SUMF1: variants seen among roughly 807,000 people sequenced by gnomAD.
SUMF1 encodes the protein formylglycine-generating enzyme.
SUMF1 carries 48 observed loss-of-function variants against 47.6 expected under a neutral mutation model. That is an observed-to-expected ratio of 1.01 (90% CI 0.80 to 1.28). SUMF1 has a LOEUF of 1.28. Among genes scored for constraint, SUMF1 ranks in the 50% most tolerant of loss-of-function variants. The pLI is 0.00. For missense variants in SUMF1, 571 were observed against 485.4 expected, an observed-to-expected ratio of 1.18 and a Z score of -1.66; for synonymous variants, 230 against 192.1, an observed-to-expected ratio of 1.20 and a Z score of -1.63.
intron 3 of SUMF1, among the ~76,000 whole-genome samples, chr3:4,428,156 A>G (rs1702123828): frequency 6.6e-6 from 1 of 152,228 alleles, no homozygotes; most frequent in South Asian, 2.1e-4. Flanking sequence ...AATTTGAATA[A>G]ATGTCTGCCC....
intron 3 of SUMF1, among the ~76,000 whole-genome samples, chr3:4,438,217 T>A (rs1191164205): frequency 1.2e-5 from 1 of 83,794 alleles, no homozygotes; most frequent in Non-Finnish European, 2.4e-5. Context: ...TTAATTTCAA[T>A]AGCTATAAGA....
intron 8 of SUMF1, among the ~76,000 whole-genome samples, chr3:4,301,874 G>C (rs188711765): frequency 3.9e-5 from 6 of 152,180 alleles, no homozygotes. Flanking sequence ...TTGGAGACTG[G>C]TGACCTAATC....
At chr3:4,379,036 G>A (rs78879778) in intron 7 of SUMF1, among the ~76,000 whole-genome samples, 4,859 of 152,264 alleles carry the variant, frequency 0.032, 115 homozygotes, top group Non-Finnish European at 0.048. Flanking sequence ...ACACAACTGT[G>A]GCACCTAACA....
rs764455999 is a variant in SUMF1, at chr3:4,362,272, G to C, written c.1015-18C>G. ...CAATAAGACTGTGTAGAGAGAAAGA[G>C]CAAGGTAAGTGCTACTGGGACTCTC... is the stretch of plus-strand genomic sequence containing the variant. On this transcript the variant is annotated intron_variant, in intron 8 of 8. Coordinates refer to ENST00000272902, the MANE Select transcript of SUMF1 (RefSeq NM_182760.4). 1.2e-6 allele frequency: 2 copies of C among 1,607,246 alleles called. No individual in the cohort carries two copies. Among genetic ancestry groups the C allele is most frequent in the African/African-American group, 1.3e-5 (1 of 74,800 alleles).
At chr3:4,283,261 T>G (rs1445583954) in intron 8 of SUMF1, among the ~76,000 whole-genome samples, 1 of 152,232 alleles carries the variant, frequency 6.6e-6, no homozygotes, top group Non-Finnish European at 1.5e-5. Flanking sequence ...AAAAGGAATT[T>G]TCAAATGCCC....
At chr3:4,082,997 C>T (rs1692599373) in intron 8 of SUMF1, among the ~76,000 whole-genome samples, 1 of 152,102 alleles carries the variant, frequency 6.6e-6, no homozygotes, top group Non-Finnish European at 1.5e-5. Context: ...CTCCTCCAAG[C>T]ACAGTGCTAA....
At chr3:4,352,171 T>C (rs770902227) in intron 8 of SUMF1, among the ~76,000 whole-genome samples, 1 of 152,102 alleles carries the variant, frequency 6.6e-6, no homozygotes, top group Non-Finnish European at 1.5e-5. Flanking sequence ...AATGATACAG[T>C]AGAGAGAACG....
intron 8 of SUMF1, among the ~76,000 whole-genome samples, chr3:4,252,220 T>C (rs142857126): frequency 1.9e-3 from 296 of 152,286 alleles, no homozygotes; most frequent in Admixed American, 3.5e-3. Flanking sequence ...GAATTAATGG[T>C]TGCCCCATGT....
chr3:4,367,522 C>T (rs528119361), intron 8 of SUMF1, among the ~76,000 whole-genome samples: 94 of 151,632 alleles, frequency 6.2e-4, no homozygotes, highest in African/African-American at 2.2e-3. Flanking sequence ...GAGCCCGCAT[C>T]ACCAAGTCAA....
chr3:4,393,633 TTTTA>T (rs1175855229), intron 7 of SUMF1, among the ~76,000 whole-genome samples: 4 of 151,750 alleles, frequency 2.6e-5, no homozygotes, highest in Middle Eastern at 3.2e-3. Context: ...ATGACTGGCC[TTTTA>T]TTTATTTATT....
rs150573762 is a variant in SUMF1, at chr3:4,058,091, G to A, written c.1191+10478C>T. Among the ~76,000 whole-genome samples, 110 of 152,098 alleles carry A rather than the reference G, an allele frequency of 7.2e-4. 2 individuals carry two copies. The highest frequency in any genetic ancestry group is 2.5e-3 in the African/African-American group (103 of 41,474). On this transcript the variant is annotated intron_variant and NMD_transcript_variant, in intron 9 of 12. Transcript: ENST00000448413. ...ATCCCAGTATCCATGGAAGGAAATT[G>A]TCCCCATTTTTATAGATGAGAAAAC...
At chr3:4,175,552 C>T (rs1694940072) in intron 8 of SUMF1, among the ~76,000 whole-genome samples, 1 of 152,094 alleles carries the variant, frequency 6.6e-6, no homozygotes, top group Admixed American at 6.5e-5. Context: ...ACATCAAAGA[C>T]CAAAGGTAGA....
chr3:4,167,321 T>A (rs1173078010), intron 8 of SUMF1, among the ~76,000 whole-genome samples: 1 of 152,168 alleles, frequency 6.6e-6, no homozygotes, highest in Non-Finnish European at 1.5e-5. Context: ...TCCCCTCCCA[T>A]GTCTGTTTCT....
chr3:4,428,053 T>C lies in SUMF1; in HGVS notation c.520-7907A>G, dbSNP rs922412341. On this transcript the variant is annotated intron_variant, in intron 3 of 8. Transcript: ENST00000272902. ...TAACTGTAAATTGGTATAACCTATC[T>C]TGAAAGCAATGTGACAATATTCAGA... Among the ~76,000 whole-genome samples, 5 of 152,228 alleles carry C rather than the reference T, an allele frequency of 3.3e-5. No homozygotes were observed. In the South Asian group the frequency reaches 6.2e-4, roughly 19 times the overall value.
At chr3:4,247,746 G>C (rs1575016641) in intron 8 of SUMF1, among the ~76,000 whole-genome samples, 1 of 152,160 alleles carries the variant, frequency 6.6e-6, no homozygotes, top group African/African-American at 2.4e-5. Flanking sequence ...ACTAGGCATA[G>C]AAGAATACAA....
At chr3:4,212,749 G>C (rs1026802386) in intron 8 of SUMF1, among the ~76,000 whole-genome samples, 1 of 152,100 alleles carries the variant, frequency 6.6e-6, no homozygotes, top group Non-Finnish European at 1.5e-5. Flanking sequence ...CACAGCACAA[G>C]AACTTTGGGA....
At chr3:4,385,526 G>C (rs1305263628) in intron 7 of SUMF1, among the ~76,000 whole-genome samples, 1 of 152,064 alleles carries the variant, frequency 6.6e-6, no homozygotes, top group Non-Finnish European at 1.5e-5. Flanking sequence ...AAATATATGT[G>C]GCTTTTGTCA....
intron 8 of SUMF1, chr3:4,303,676 C>T: frequency 3.4e-6 from 5 of 1,490,936 alleles, no homozygotes; most frequent in South Asian, 1.3e-5. Context: ...GTGTGCATGC[C>T]CCGGCCTGGG....
chr3:4,218,259 T>G (rs1574989521), intron 8 of SUMF1, among the ~76,000 whole-genome samples: 2 of 151,998 alleles, frequency 1.3e-5, no homozygotes, highest in Non-Finnish European at 2.9e-5. Context: ...TGTGAGAGAA[T>G]AAAATTCTGT....
Sources: allele counts gnomAD v4.1 joint callset (sites outside exome capture counted in the v4.1 genomes callset), GRCh38; gene constraint gnomAD v4.1.1; transcripts MANE v1.5; gene names NCBI Gene and HGNC (gene_info 2026-07-23, HGNC 2026-07-21).